The following GLO1 variants were observed in gnomAD, a reference collection of about 807,000 sequenced individuals.
The protein encoded by GLO1 is glyoxalase I.
A neutral mutation model predicts 26.0 loss-of-function variants in GLO1; 28 were observed. The ratio of observed to expected loss-of-function variants is 1.08; its 90% CI spans 0.80 to 1.48. The LOEUF is 1.48. GLO1 is among the 40% of genes most tolerant of loss of function. The pLI, the probability that GLO1 is intolerant of heterozygous loss-of-function variation, is 0.00. For missense variants in GLO1, 225 were observed against 224.8 expected (o/e 1.00, Z -0.01); for synonymous variants, 78 against 77.6 (o/e 1.00, Z -0.03).
intron 3 of GLO1, 85 bp downstream of exon 3, chr6:38,684,289 C>A: frequency 1.8e-6 from 1 of 547,122 alleles, no homozygotes; most frequent in Non-Finnish European, 2.7e-6. Flanking sequence ...TTGAATTATA[C>A]TGGTCAGTAA....
chr6:38,693,202 T>C lies in GLO1; in HGVS notation c.85-6228A>G, dbSNP rs558031966. ...TTGTTAATCATAAATTCAATTGCCTTAAGTTATAGGACTCATCATATTAGT... is the reference window on the plus strand; with the variant it reads ...TTGTTAATCATAAATTCAATTGCCTCAAGTTATAGGACTCATCATATTAGT... On this transcript the variant is annotated intron_variant, in intron 1 of 5. Coordinates refer to ENST00000373365, the MANE Select transcript of GLO1 (RefSeq NM_006708.3). Among the ~76,000 whole-genome samples the C allele has an allele frequency of 5.6e-4, 85 of 152,306 alleles. 1 individual carries two copies. The highest frequency in any genetic ancestry group is 1.9e-3 in the African/African-American group (79 of 41,570).
At chr6:38,702,510 A>G (rs1761718800) in intron 1 of GLO1, among the ~76,000 whole-genome samples, 1 of 152,114 alleles carries the variant, frequency 6.6e-6, no homozygotes, top group Admixed American at 6.5e-5. Flanking sequence ...GCAAAAGTGA[A>G]ATTCTGGGCG....
At chr6:38,679,488 T>C (rs1398553510) in intron 5 of GLO1, among the ~76,000 whole-genome samples, 1 of 152,098 alleles carries the variant, frequency 6.6e-6, no homozygotes, top group Non-Finnish European at 1.5e-5. Context: ...ACCCAAGGAC[T>C]ATTTAGACAT....
intron 3 of GLO1, 145 bp from the exon 4 acceptor site, chr6:38,683,020 C>A: frequency 1.7e-6 from 1 of 581,188 alleles, no homozygotes. Context: ...AAGTTTTCAA[C>A]TATAGAAAGG....
In GLO1 at chr6:38,687,012, T is replaced by A. The variant is rs778094568; in HGVS notation, c.85-38A>T. On this transcript the variant is annotated intron_variant, in intron 1 of 5. Transcript: ENST00000373365. ...ATTTATATTAAACATCTTTCACTTTTACCATTTATTACCAACATTAATTGT... is the reference window on the plus strand; with the variant it reads ...ATTTATATTAAACATCTTTCACTTTAACCATTTATTACCAACATTAATTGT... The A allele has an allele frequency of 4.6e-6, 7 of 1,536,410 alleles. No individual in the cohort carries two copies. In the African/African-American group the frequency reaches 8.3e-5, roughly 18 times the overall value.
intron 5 of GLO1, among the ~76,000 whole-genome samples, chr6:38,680,491 A>C (rs1562480939): frequency 6.6e-6 from 1 of 152,246 alleles, no homozygotes; most frequent in Non-Finnish European, 1.5e-5. Context: ...ATTGCACTCC[A>C]ACCTGGGCAA....
chr6:38,682,218 A>G, intron 4 of GLO1, 117 bp from the exon 5 acceptor site: 1 of 702,406 alleles, frequency 1.4e-6, no homozygotes, highest in African/African-American at 1.8e-5. Context: ...GGCACTTGGG[A>G]ACAGACTTAG....
At chr6:38,692,550 A>C (rs2127547841) in intron 1 of GLO1, among the ~76,000 whole-genome samples, 1 of 152,082 alleles carries the variant, frequency 6.6e-6, no homozygotes, top group East Asian at 1.9e-4. Context: ...GCTTTACTGC[A>C]CTGTCTAGAA....
intron 1 of GLO1, among the ~76,000 whole-genome samples, chr6:38,698,098 T>C (rs1022468057): frequency 6.6e-6 from 1 of 152,170 alleles, no homozygotes; most frequent in African/African-American, 2.4e-5. Flanking sequence ...CATACCCTTA[T>C]CACTTAAATA....
At chr6:38,693,887 T>A (rs1167803571) in intron 1 of GLO1, among the ~76,000 whole-genome samples, 1 of 151,924 alleles carries the variant, frequency 6.6e-6, no homozygotes, top group Non-Finnish European at 1.5e-5. Flanking sequence ...ATTTTTTGTG[T>A]TTTTAGTAGA....
At chr6:38,678,415 GAAAA>G (rs1227246937) in intron 5 of GLO1, among the ~76,000 whole-genome samples, 4 of 46,912 alleles carry the variant, frequency 8.5e-5, no homozygotes, top group Non-Finnish European at 2.4e-4. Flanking sequence ...AAAAGGAAAA[GAAAA>G]GAAAAGAAAA....
intron 1 of GLO1, among the ~76,000 whole-genome samples, chr6:38,687,896 T>C: frequency 7.0e-6 from 1 of 142,202 alleles, no homozygotes; most frequent in Non-Finnish European, 1.5e-5. Flanking sequence ...TCCTAACAGA[T>C]TTTTTTTTTT....
In GLO1 at chr6:38,686,988, T is replaced by C; in HGVS notation, c.85-14A>G. 1.3e-6 allele frequency: 2 copies of C among 1,578,048 alleles called. No individual in the cohort carries two copies. The highest frequency in any genetic ancestry group is 1.7e-6 in the Non-Finnish European group (2 of 1,152,502). ...CAATAGAAAATCCTATGGAAAAATATTTATATTAAACATCTTTCACTTTTA... is the reference window on the plus strand; with the variant it reads ...CAATAGAAAATCCTATGGAAAAATACTTATATTAAACATCTTTCACTTTTA... On this transcript the variant is annotated splice_polypyrimidine_tract_variant and intron_variant, in intron 1 of 5. Coordinates refer to ENST00000373365, the MANE Select transcript of GLO1 (RefSeq NM_006708.3).
rs755608541 is a variant in GLO1 at position 38,677,264 on chromosome 6, T to C, written c.*31A>G. On this transcript the variant is annotated 3_prime_UTR_variant, in exon 6 of 6. Coordinates refer to ENST00000373365, the MANE Select transcript of GLO1 (RefSeq NM_006708.3). Reference sequence around the variant, plus strand: ...TCTTGAATCACATTGTTTCCTTTCTTCTGAAATCTCAAAGGAGAATTCTCA... The same window carrying C: ...TCTTGAATCACATTGTTTCCTTTCTCCTGAAATCTCAAAGGAGAATTCTCA... The C allele has an allele frequency of 1.0e-6, 1 of 965,204 alleles. No individual in the cohort carries two copies. Among genetic ancestry groups the C allele is most frequent in the Non-Finnish European group, 1.7e-6 (1 of 588,126 alleles). The allele number at this position is 965,204 out of a possible 1,614,324, so 59.8% of individuals were successfully genotyped here. A position where few individuals can be genotyped will look rare whatever the true frequency, so the allele number is the denominator to read the frequency against.
chr6:38,684,469 G>T lies in GLO1; in HGVS notation c.213C>A (p.Tyr71Ter). ...CDFPIMKFSLYFLAYEDKNDI... is the reference protein window; with the variant it reads ...CDFPIMKFSL ...CATTTTTATCCTCATAAGCCAAGAA[G>T]TAGAGTGAAAACTTCATAATGGGAA... The change falls in exon 3 of 6, where the codon TAC (tyrosine) becomes TAA (stop). Residue 71 changes from tyrosine (Y) to a stop codon, truncating the protein, a stop_gained. Transcript: ENST00000373365. LOFTEE classifies it high-confidence loss of function. The T allele has an allele frequency of 6.4e-7, 1 of 1,564,816 alleles. No homozygotes were observed. The highest frequency in any genetic ancestry group is 8.7e-7 in the Non-Finnish European group (1 of 1,153,960).
intron 1 of GLO1, among the ~76,000 whole-genome samples, chr6:38,700,925 G>A (rs1761688436): frequency 6.6e-6 from 1 of 151,846 alleles, no homozygotes; most frequent in African/African-American, 2.4e-5. Flanking sequence ...GATTACAGGT[G>A]CCCGCCACCA....
At chr6:38,688,924 G>C (rs1582777817) in intron 1 of GLO1, among the ~76,000 whole-genome samples, 2 of 152,256 alleles carry the variant, frequency 1.3e-5, no homozygotes, top group Admixed American at 1.3e-4. Context: ...AGGAGAGAGA[G>C]AGAGCGAGCG....
chr6:38,681,353 C>T (rs772069260), intron 5 of GLO1, among the ~76,000 whole-genome samples: 4 of 152,126 alleles, frequency 2.6e-5, no homozygotes, highest in Non-Finnish European at 4.4e-5. Flanking sequence ...TGAGCCACCA[C>T]GCCCAGCACT....
intron 1 of GLO1, among the ~76,000 whole-genome samples, chr6:38,700,340 ATCCC>A (rs1210575089): frequency 6.6e-6 from 1 of 152,210 alleles, no homozygotes; most frequent in Admixed American, 6.5e-5. Flanking sequence ...GTGTGCCCTG[ATCCC>A]CACAGCTGAA....
Sources: allele counts gnomAD v4.1 joint callset (sites outside exome capture counted in the v4.1 genomes callset), GRCh38; gene constraint gnomAD v4.1.1; transcripts MANE v1.5; gene names NCBI Gene and HGNC (gene_info 2026-07-23, HGNC 2026-07-21).